Variants in KDM1A observed in about 807,000 individuals in gnomAD.
KDM1A encodes the protein lysine demethylase 1A.
In KDM1A, 49 loss-of-function variants were observed where a neutral mutation model predicts 109.4. The observed-to-expected ratio is 0.45, with a 90% confidence interval of 0.36 to 0.57. KDM1A has a LOEUF of 0.57. Among genes scored for constraint, KDM1A ranks in the 20% least tolerant of loss-of-function variants. The probability of loss-of-function intolerance (pLI) is 0.00; values close to 1 mark genes in which losing one functional copy is unlikely to be tolerated. For missense variants in KDM1A, 668 were observed against 1,116.6 expected (o/e 0.60, Z 5.73); for synonymous variants, 380 against 415.4 (o/e 0.91, Z 1.04).
In KDM1A at chr1:23,069,089, C is replaced by A; in HGVS notation, c.1351C>A (p.Gln451Lys). Reference protein sequence around the residue: ...QLQEKHVKDEQIEHWKKIVKT... With the variant: ...QLQEKHVKDEKIEHWKKIVKT... ...ACAAGAGAAGCATGTCAAAGATGAG[C>A]AGATTGAACATTGGAAGAAGATAGT... Residue 451 changes from glutamine to lysine, a missense_variant, in exon 12 of 21, where the codon CAG becomes AAG. Gln to Lys is a moderately conservative substitution (Grantham distance 53). Transcript: ENST00000400181. 6.2e-7 allele frequency: 1 copy of A among 1,610,208 alleles called. No homozygotes were observed. Among genetic ancestry groups the A allele is most frequent in the Non-Finnish European group, 8.5e-7 (1 of 1,177,958 alleles).
chr1:23,025,167 T>C (rs1310433078), intron 1 of KDM1A, among the ~76,000 whole-genome samples: 1 of 152,212 alleles, frequency 6.6e-6, no homozygotes, highest in African/African-American at 2.4e-5. Flanking sequence ...TCAGTCACAT[T>C]AGCTACATTA....
chr1:23,042,446 T>TATTATTA (rs1160357911), intron 2 of KDM1A, among the ~76,000 whole-genome samples: 29 of 16,090 alleles, frequency 1.8e-3, no homozygotes, highest in African/African-American at 6.1e-3. Flanking sequence ...TATTATTTTT[T>TATTATTA]TTTTTTTTTT....
At chr1:23,042,073 T>C (rs1402183502) in intron 2 of KDM1A, among the ~76,000 whole-genome samples, 8 of 152,214 alleles carry the variant, frequency 5.3e-5, no homozygotes, top group Admixed American at 2.0e-4. Context: ...GTATTATAGT[T>C]GGAAAAGAAG....
At chr1:23,056,131 C>G in intron 7 of KDM1A, 93 bp downstream of exon 7, 1 of 838,088 alleles carries the variant, frequency 1.2e-6, no homozygotes, top group Non-Finnish European at 2.0e-6. Context: ...ACAACTTGAA[C>G]TAAGCTAAAT....
intron 12 of KDM1A, 76 bp from the exon 13 acceptor site, chr1:23,071,149 C>CA: frequency 1.5e-6 from 2 of 1,313,344 alleles, no homozygotes; most frequent in Admixed American, 2.4e-5. Flanking sequence ...TTTGAGGAGC[C>CA]AAAAAAGGGT....
chr1:23,048,565 T>C (rs1177040278), intron 3 of KDM1A, among the ~76,000 whole-genome samples: 3 of 152,160 alleles, frequency 2.0e-5, no homozygotes, highest in African/African-American at 7.2e-5. Flanking sequence ...CTACAGTAGA[T>C]GGATAGTTTT....
At chr1:23,054,713 A>C (rs959931485) in intron 5 of KDM1A, among the ~76,000 whole-genome samples, 3 of 152,018 alleles carry the variant, frequency 2.0e-5, no homozygotes, top group Admixed American at 2.0e-4. Context: ...TGTAGCTAGG[A>C]ACTCCTGGGC....
At chr1:23,078,288 T>C (rs889264002) in intron 16 of KDM1A, among the ~76,000 whole-genome samples, 3 of 152,230 alleles carry the variant, frequency 2.0e-5, no homozygotes, top group Non-Finnish European at 4.4e-5. Flanking sequence ...ACAGTGAGAA[T>C]AGATGTTGTG....
At chr1:23,045,119 G>C (rs930287878) in intron 3 of KDM1A, among the ~76,000 whole-genome samples, 5 of 152,080 alleles carry the variant, frequency 3.3e-5, no homozygotes, top group Admixed American at 6.6e-5. Flanking sequence ...GAATTTATAG[G>C]GGCCACCATC....
At chr1:23,057,263 A>G (rs1235790150) in intron 7 of KDM1A, among the ~76,000 whole-genome samples, 1 of 152,234 alleles carries the variant, frequency 6.6e-6, no homozygotes, top group Admixed American at 6.5e-5. Context: ...GTTTAGTTAT[A>G]TGACATTTAA....
At position 23,071,875 on chromosome 1, in the gene KDM1A, G is replaced by A. The variant is rs1643330502; in HGVS notation, c.1549-249G>A. Among the ~76,000 whole-genome samples, 3 of 152,154 alleles carry A rather than the reference G, an allele frequency of 2.0e-5. No homozygotes were observed. The South Asian group carries it at 6.2e-4, about 32-fold the overall frequency. ...TTCATCCCCACTTTGCAGCACACTA[G>A]TATGTTTCTTCCATTATTTTCTCCT... is the stretch of plus-strand genomic sequence containing the variant. On this transcript the variant is annotated intron_variant, in intron 13 of 20. Transcript: ENST00000400181.
chr1:23,071,926 T>C (rs755634270), intron 13 of KDM1A, among the ~76,000 whole-genome samples, 198 bp from the exon 14 acceptor site: 1 of 152,094 alleles, frequency 6.6e-6, no homozygotes, highest in Non-Finnish European at 1.5e-5. Context: ...CCCCCTAATA[T>C]TCCAGGCCCC....
Position 23,019,533 on chromosome 1 carries a change from T to C in KDM1A, c.-64T>C. The C allele has an allele frequency of 7.5e-7, 1 of 1,334,464 alleles. No individual in the cohort carries two copies. Among genetic ancestry groups the C allele is most frequent in the South Asian group, 2.2e-5 (1 of 45,980 alleles). 82.7% of individuals were successfully genotyped at this position (1,334,464 alleles called of 1,614,324 possible). ...GCGTGAAGCGAGGCGAGGCAAGGCT[T>C]TTCGGACCCACGGAGCGACAGAGCG... On this transcript the variant is annotated 5_prime_UTR_variant, in exon 1 of 21. Transcript: ENST00000400181.
intron 2 of KDM1A, among the ~76,000 whole-genome samples, chr1:23,043,099 A>G (rs1037608709): frequency 4.6e-5 from 7 of 152,248 alleles, no homozygotes; most frequent in Non-Finnish European, 1.0e-4. Context: ...GAGTGAATAT[A>G]TCTGATTTTA....
At chr1:23,070,748 C>A (rs1643293788) in intron 12 of KDM1A, among the ~76,000 whole-genome samples, 1 of 151,528 alleles carries the variant, frequency 6.6e-6, no homozygotes, top group Admixed American at 6.6e-5. Flanking sequence ...GCAGAGCTTG[C>A]AGTGAGCCGA....
intron 1 of KDM1A, among the ~76,000 whole-genome samples, chr1:23,022,418 A>G (rs1352554791): frequency 6.7e-6 from 1 of 149,606 alleles, no homozygotes; most frequent in African/African-American, 2.5e-5. Flanking sequence ...TCACTGCAAC[A>G]TCCGCCTCCA....
chr1:23,070,640 C>T (rs1643290694), intron 12 of KDM1A, among the ~76,000 whole-genome samples: 1 of 151,978 alleles, frequency 6.6e-6, no homozygotes, highest in Non-Finnish European at 1.5e-5. Context: ...AACCCCATCT[C>T]TACTAAAAAT....
At chr1:23,037,321 A>C (rs1008491992) in intron 2 of KDM1A, among the ~76,000 whole-genome samples, 1 of 151,646 alleles carries the variant, frequency 6.6e-6, no homozygotes, top group African/African-American at 2.4e-5. Context: ...AAAAAAAAAA[A>C]AGTGCAATTC....
chr1:23,064,687 T>G (rs1355957910), intron 9 of KDM1A, among the ~76,000 whole-genome samples: 1 of 152,220 alleles, frequency 6.6e-6, no homozygotes, highest in Non-Finnish European at 1.5e-5. Flanking sequence ...GGGGACCTTG[T>G]CCAGAAAGTT....
Sources: allele counts gnomAD v4.1 joint callset (sites outside exome capture counted in the v4.1 genomes callset), GRCh38; gene constraint gnomAD v4.1.1; transcripts MANE v1.5; gene names NCBI Gene and HGNC (gene_info 2026-07-23, HGNC 2026-07-21).